The following AGBL4 variants were observed in gnomAD, a reference collection of about 807,000 sequenced individuals.
AGBL4 encodes cytosolic carboxypeptidase 6.
AGBL4 carries 58 observed loss-of-function variants against 66.4 expected under a neutral mutation model. The observed-to-expected ratio is 0.87, with a 90% CI of 0.71 to 1.09. AGBL4 has a LOEUF of 1.09. AGBL4 is among the 50% of genes least tolerant of loss of function. AGBL4 has a pLI of 0.00. For missense variants in AGBL4, 579 were observed against 631.0 expected, an observed-to-expected ratio of 0.92 and a Z score of 0.88; for synonymous variants, 234 against 222.9, an observed-to-expected ratio of 1.05 and a Z score of -0.44.
chr1:49,391,647 C>T (rs1406067315), intron 3 of AGBL4, among the ~76,000 whole-genome samples: 13 of 151,282 alleles, frequency 8.6e-5, no homozygotes, highest in African/African-American at 2.2e-4. Flanking sequence ...CTGCAAGCTC[C>T]GCCTCCCGGG....
chr1:49,809,438 T>C (rs1322038234), intron 2 of AGBL4, among the ~76,000 whole-genome samples: 5 of 151,994 alleles, frequency 3.3e-5, no homozygotes, highest in Non-Finnish European at 1.5e-5. Flanking sequence ...GAATGCAGTC[T>C]CTAATAAAGA....
At chr1:49,489,248 T>C (rs558289209) in intron 3 of AGBL4, among the ~76,000 whole-genome samples, 9 of 152,100 alleles carry the variant, frequency 5.9e-5, no homozygotes, top group African/African-American at 2.2e-4. Context: ...TGATATCTCA[T>C]TGTAGTTCTG....
intron 5 of AGBL4, among the ~76,000 whole-genome samples, chr1:48,943,118 C>T (rs12094699): frequency 0.077 from 11,787 of 152,150 alleles, 1,553 homozygotes; most frequent in African/African-American, 0.27. Context: ...TACCCTTGTA[C>T]AGTAAACAAA....
intron 3 of AGBL4, among the ~76,000 whole-genome samples, chr1:49,666,589 A>G (rs1646374903): frequency 2.6e-5 from 4 of 151,792 alleles, no homozygotes; most frequent in Admixed American, 2.6e-4. Flanking sequence ...AAATAAATAT[A>G]TAAATAAAAA....
intron 6 of AGBL4, chr1:48,761,132 C>G: frequency 1.8e-6 from 1 of 550,026 alleles, no homozygotes; most frequent in Non-Finnish European, 3.2e-6. Flanking sequence ...CTTGGTGGCA[C>G]AGCATGAATC....
At chr1:49,581,260 T>A (rs565512622) in intron 3 of AGBL4, among the ~76,000 whole-genome samples, 1 of 152,280 alleles carries the variant, frequency 6.6e-6, no homozygotes, top group South Asian at 2.1e-4. Flanking sequence ...GGGTTTATGA[T>A]GTCTTTGTAT....
chr1:49,646,573 A>T (rs1165726861), intron 3 of AGBL4, among the ~76,000 whole-genome samples: 2 of 151,972 alleles, frequency 1.3e-5, no homozygotes, highest in East Asian at 3.8e-4. Context: ...CACCAAAAGG[A>T]AGACTCAGTA....
chr1:49,816,419 C>T (rs1645232568), intron 2 of AGBL4, among the ~76,000 whole-genome samples: 2 of 152,072 alleles, frequency 1.3e-5, no homozygotes, highest in African/African-American at 2.4e-5. Flanking sequence ...ATAATGTAGA[C>T]CAAGCATATT....
In AGBL4 at chr1:48,981,134, T is replaced by C. The variant is rs970520564; in HGVS notation, c.594+64450A>G. On this transcript the variant is annotated intron_variant, in intron 5 of 13. Coordinates refer to ENST00000371839, the MANE Select transcript of AGBL4 (RefSeq NM_032785.4). ...GGATTTGTTTGATTTCCTTCAGTCA[T>C]AGACATAGCAACACAAGAATACAAT... Among the ~76,000 whole-genome samples the C allele has an allele frequency of 2.0e-5, 3 of 152,284 alleles. No homozygotes were observed. In the East Asian group the frequency reaches 5.8e-4, roughly 29 times the overall value.
intron 9 of AGBL4, among the ~76,000 whole-genome samples, chr1:48,601,568 C>T (rs926878391): frequency 5.9e-5 from 9 of 152,200 alleles, no homozygotes; most frequent in Non-Finnish European, 1.2e-4. Context: ...CATATATGTA[C>T]ATTTCTTCCT....
At chr1:48,761,568 G>C (rs1557960812) in intron 6 of AGBL4, 1 of 1,264,744 alleles carries the variant, frequency 7.9e-7, no homozygotes, top group African/African-American at 1.5e-5. Context: ...AAATAATTGA[G>C]GCCAGACCAG....
chr1:49,190,547 T>C (rs1205468747), intron 4 of AGBL4, among the ~76,000 whole-genome samples: 3 of 152,196 alleles, frequency 2.0e-5, no homozygotes, highest in African/African-American at 7.2e-5. Flanking sequence ...TGAATACCCA[T>C]ATTAATTAGT....
intron 3 of AGBL4, among the ~76,000 whole-genome samples, chr1:49,258,803 G>A (rs1315789422): frequency 1.3e-5 from 2 of 152,080 alleles, no homozygotes; most frequent in Non-Finnish European, 2.9e-5. Context: ...GAAATACAGA[G>A]AATGCCACAA....
chr1:49,120,387 C>G (rs1645627792), intron 4 of AGBL4, among the ~76,000 whole-genome samples: 1 of 152,244 alleles, frequency 6.6e-6, no homozygotes, highest in South Asian at 2.1e-4. Context: ...CAAAATCTAT[C>G]AGCATTTGCC....
At chr1:48,762,232 T>C (rs1305260265) in intron 6 of AGBL4, among the ~76,000 whole-genome samples, 1 of 152,248 alleles carries the variant, frequency 6.6e-6, no homozygotes, top group Non-Finnish European at 1.5e-5. Flanking sequence ...CGACACATAC[T>C]GAATGTAAAG....
At chr1:49,462,316 A>G (rs779759906) in intron 3 of AGBL4, among the ~76,000 whole-genome samples, 5 of 151,780 alleles carry the variant, frequency 3.3e-5, no homozygotes, top group Non-Finnish European at 7.4e-5. Context: ...AGCAGAAAGA[A>G]TAGAAAAGAA....
At chr1:49,541,712 C>T (rs770598121) in intron 3 of AGBL4, among the ~76,000 whole-genome samples, 26 of 152,172 alleles carry the variant, frequency 1.7e-4, no homozygotes, top group Non-Finnish European at 3.2e-4. Context: ...AGTGCAACGG[C>T]GAGGGAATGG....
intron 6 of AGBL4, among the ~76,000 whole-genome samples, chr1:48,698,212 G>A (rs1646745028): frequency 1.3e-5 from 2 of 152,178 alleles, no homozygotes. Context: ...ACCAGGCTTG[G>A]GGCCAGTCCA....
At chr1:49,726,076 A>G (rs1649010509) in intron 2 of AGBL4, among the ~76,000 whole-genome samples, 1 of 152,126 alleles carries the variant, frequency 6.6e-6, no homozygotes, top group Non-Finnish European at 1.5e-5. Flanking sequence ...CACTATAAAT[A>G]TAGTGAAGCA....
Sources: allele counts gnomAD v4.1 joint callset (sites outside exome capture counted in the v4.1 genomes callset), GRCh38; gene constraint gnomAD v4.1.1; transcripts MANE v1.5; gene names NCBI Gene and HGNC (gene_info 2026-07-23, HGNC 2026-07-21).